The following ZNF717 variants were observed in gnomAD, a reference collection of about 807,000 sequenced individuals.
ZNF717 encodes the protein zinc finger protein 717, also known as krueppel-like factor X17.
ZNF717 carries 9 observed loss-of-function variants against 13.8 expected under a neutral mutation model. That is an observed-to-expected ratio of 0.65 (90% CI 0.39 to 1.14). ZNF717 has a LOEUF of 1.14. Among genes scored for constraint, ZNF717 ranks in the 50% most tolerant of loss-of-function variants. The pLI is 0.01. For synonymous variants in ZNF717, 327 were observed against 364.1 expected (o/e 0.90, Z 1.16); for missense variants, 1,040 against 1,080.7 (o/e 0.96, Z 0.53).
At chr3:75,770,473 T>C (rs1331926449) in intron 2 of ZNF717, among the ~76,000 whole-genome samples, 1 of 152,140 alleles carries the variant, frequency 6.6e-6, no homozygotes, top group African/African-American at 2.4e-5. Context: ...GGCAGGAGAA[T>C]TGCTTGAACC....
At chr3:75,705,857 A>G (rs1937793635), downstream of ZNF717, among the ~76,000 whole-genome samples, 1 of 152,310 alleles carries the variant, frequency 6.6e-6, no homozygotes, top group African/African-American at 2.4e-5. Flanking sequence ...AGACAAATTT[A>G]AGAGGCTAAC....
chr3:75,710,425 T>A, exon 6 of ZNF717: 1 of 152,254 alleles, frequency 6.6e-6, no homozygotes, highest in Admixed American at 6.5e-5. Context: ...AGGATACTTA[T>A]GAGCAGAAGC....
At chr3:75,732,652 C>T (rs1224104016), downstream of ZNF717, among the ~76,000 whole-genome samples, 1 of 152,170 alleles carries the variant, frequency 6.6e-6, no homozygotes, top group Non-Finnish European at 1.5e-5. Flanking sequence ...GGAACCTTGA[C>T]CTTGGATTTT....
At chr3:75,743,028 CGA>C (rs1940679329) in intron 2 of ZNF717, among the ~76,000 whole-genome samples, 11 of 137,030 alleles carry the variant, frequency 8.0e-5, no homozygotes, top group African/African-American at 2.7e-4. Flanking sequence ...GTGCAGAAAA[CGA>C]TATTCAATAA....
At chr3:75,733,360 C>A (rs1372089406), downstream of ZNF717, among the ~76,000 whole-genome samples, 4 of 152,248 alleles carry the variant, frequency 2.6e-5, no homozygotes, top group Non-Finnish European at 4.4e-5. Context: ...TCAGAGCACA[C>A]CAGGCAGGAT....
chr3:75,736,715 A>C lies in ZNF717; in HGVS notation c.*163T>G. On this transcript the variant is annotated 3_prime_UTR_variant, in exon 5 of 5. Coordinates refer to ENST00000652011, the MANE Select transcript of ZNF717 (RefSeq NM_001290208.3). The stretch of plus-strand genomic sequence containing the variant: ...CATTAAAGTGCAAAGTGTGCTGTAA[A>C]AATGGGAACAACAAAGCCTGCATGA... 1.4e-6 allele frequency: 1 copy of C among 700,396 alleles called. No individual in the cohort carries two copies. The highest frequency in any genetic ancestry group is 2.3e-6 in the Non-Finnish European group (1 of 442,614). The allele number at this position is 700,396 out of a possible 1,614,324, so 43.4% of individuals were successfully genotyped here.
chr3:75,782,991 A>T (rs1398825730), intron 2 of ZNF717, among the ~76,000 whole-genome samples: 1 of 152,242 alleles, frequency 6.6e-6, no homozygotes, highest in Admixed American at 6.5e-5. Context: ...GGTGGTTCAG[A>T]CTTGGTGCAC....
chr3:75,721,091 A>G (rs1575721895), intron 4 of ZNF717, among the ~76,000 whole-genome samples: 1 of 152,308 alleles, frequency 6.6e-6, no homozygotes, highest in East Asian at 1.9e-4. Flanking sequence ...CATGAAAATA[A>G]ATTATTTCAA....
chr3:75,737,056 C>T lies in ZNF717; in HGVS notation c.2567G>A (p.Gly856Asp), dbSNP rs1939352678. The change falls in exon 5 of 5, where the codon GGC becomes GAC. Residue 856 changes from glycine (G) to aspartate (D), a missense_variant. Gly to Asp is a moderately conservative substitution (Grantham distance 94). Around this residue, in one of 3 missense-constraint regions of ZNF717, gnomAD observed 873 missense variants for 832.8 expected, o/e 1.05. Transcript: ENST00000652011. ...GTGTGTTCTCTGATGTATACTGAGG[C>T]CTGACTTCTGGGAGAAAGTTTTCCT... ...ECRKTFSQKSGLSIHQRTHTG... is the reference protein window; with the variant it reads ...ECRKTFSQKSDLSIHQRTHTG... 4 of 1,601,772 alleles carry T rather than the reference C, an allele frequency of 2.5e-6. No individual in the cohort carries two copies. Among genetic ancestry groups the T allele is most frequent in the South Asian group, 2.2e-5 (2 of 89,408 alleles).
downstream of ZNF717, among the ~76,000 whole-genome samples, chr3:75,729,335 A>T (rs1938378271): frequency 6.6e-6 from 1 of 152,256 alleles, no homozygotes; most frequent in African/African-American, 2.4e-5. Context: ...GAGCTATCAG[A>T]CCAGGTGTGG....
At chr3:75,732,042 T>C, downstream of ZNF717, 1 of 702,738 alleles carries the variant, frequency 1.4e-6, no homozygotes, top group South Asian at 1.5e-5. Flanking sequence ...TGAGGGAGCA[T>C]AATATTGTAA....
intron 2 of ZNF717, among the ~76,000 whole-genome samples, chr3:75,782,274 T>C (rs1274674472): frequency 6.6e-6 from 1 of 152,160 alleles, no homozygotes; most frequent in African/African-American, 2.4e-5. Flanking sequence ...CCAGAAAATA[T>C]AACTTTGAAC....
In ZNF717 at chr3:75,746,599, T is replaced by C. The variant is rs1941197945; in HGVS notation, c.58-4863A>G. On this transcript the variant is annotated intron_variant, in intron 2 of 4. Coordinates refer to ENST00000652011, the MANE Select transcript of ZNF717 (RefSeq NM_001290208.3). ...CTAACTAGTGTGAGATGATATCTCATTGTGATTTTGATTTGCATTTCTCTG... is the reference window on the plus strand; with the variant it reads ...CTAACTAGTGTGAGATGATATCTCACTGTGATTTTGATTTGCATTTCTCTG... 3.9e-5 allele frequency among the ~76,000 whole-genome samples: 6 copies of C among 152,308 alleles called. No individual in the cohort carries two copies. The South Asian group carries it at 1.2e-3, about 32-fold the overall frequency.
chr3:75,734,640 T>G (rs1278497290), downstream of ZNF717, among the ~76,000 whole-genome samples: 2 of 148,492 alleles, frequency 1.3e-5, no homozygotes, highest in Non-Finnish European at 3.0e-5. Flanking sequence ...ATTTCACCAT[T>G]TAGCTAGGAT....
chr3:75,721,865 A>G (rs1938173959), intron 4 of ZNF717, among the ~76,000 whole-genome samples: 1 of 151,890 alleles, frequency 6.6e-6, no homozygotes, highest in African/African-American at 2.4e-5. Context: ...AAAAAAATTG[A>G]CAACTTCCAA....
chr3:75,708,161 G>T (rs1937843185), downstream of ZNF717, among the ~76,000 whole-genome samples: 1 of 152,262 alleles, frequency 6.6e-6, no homozygotes, highest in Non-Finnish European at 1.5e-5. Context: ...CCTCAAGTGG[G>T]TCCCTGACCC....
At chr3:75,779,345 CCCAAAACAATGGG>C (rs1335887807) in intron 2 of ZNF717, among the ~76,000 whole-genome samples, 1 of 151,796 alleles carries the variant, frequency 6.6e-6, no homozygotes, top group African/African-American at 2.4e-5. Context: ...AAAACTGGAA[CCCAAAACAATGGG>C]AGTGATGTGC....
intron 2 of ZNF717, among the ~76,000 whole-genome samples, chr3:75,759,432 C>T (rs1358636468): frequency 1.3e-4 from 20 of 152,092 alleles, no homozygotes; most frequent in East Asian, 5.8e-4. Flanking sequence ...CCCGCCACAA[C>T]GCCCCGCTAA....
chr3:75,733,050 A>C (rs1938722331), downstream of ZNF717, among the ~76,000 whole-genome samples: 1 of 152,200 alleles, frequency 6.6e-6, no homozygotes, highest in Non-Finnish European at 1.5e-5. Flanking sequence ...AACAAAAGAG[A>C]AACAGTAGAG....
Sources: gnomAD v4.1 joint callset for allele counts (sites outside exome capture counted in the v4.1 genomes callset) on GRCh38, gnomAD v4.1.1 for gene constraint, gnomAD v4.1.1 regional missense constraint, MANE v1.5 for transcripts, NCBI Gene and HGNC (gene_info 2026-07-23, HGNC 2026-07-21) for gene names.